The following ARHGEF11 variants were observed in gnomAD, a reference collection of about 807,000 sequenced individuals.
ARHGEF11 encodes Rho guanine nucleotide exchange factor 11.
In ARHGEF11, 55 loss-of-function variants were observed where a neutral mutation model predicts 193.7. The observed-to-expected ratio is 0.28, with a 90% CI of 0.23 to 0.36. The LOEUF (loss-of-function observed/expected upper bound fraction) is 0.36, where lower values mean the gene tolerates loss of function less well. Among genes scored for constraint, ARHGEF11 ranks in the 10% least tolerant of loss-of-function variants. The pLI is 1.00. For missense variants in ARHGEF11, 1,723 were observed against 2,005.6 expected, an observed-to-expected ratio of 0.86 and a Z score of 2.69; for synonymous variants, 693 against 768.0, an observed-to-expected ratio of 0.90 and a Z score of 1.62.
intron 7 of ARHGEF11, among the ~76,000 whole-genome samples, chr1:156,976,242 A>G (rs1571323808): frequency 6.6e-6 from 1 of 151,792 alleles, no homozygotes; most frequent in East Asian, 1.9e-4. Flanking sequence ...TCCCTCCCTC[A>G]TCTCTTTTGC....
At position 156,937,465 on chromosome 1, in the gene ARHGEF11, TC is replaced by T. The variant is rs1484204625; in HGVS notation, c.4223del (p.Gly1408AspfsTer14). 1 of 1,533,984 alleles carries T rather than the reference TC, an allele frequency of 6.5e-7. No individual in the cohort carries two copies. The highest frequency in any genetic ancestry group is 8.7e-7 in the Non-Finnish European group (1 of 1,143,976). ...AGTGGTCGGTGCTTGAGTCCGGGGG[TC>T]CTGATGGCATGCTGACATAAAAGCA... ...GNCFYVSMPS[G>X]PPDSSTDHSE... is the part of the protein sequence containing the mutation. On this transcript the variant is annotated frameshift_variant, in exon 39 of 41. Transcript: ENST00000368194. LOFTEE classifies it high-confidence loss of function.
rs1012082563 is a variant in ARHGEF11 at position 156,940,255 on chromosome 1, G to A, written c.3685C>T (p.Pro1229Ser). The A allele has an allele frequency of 6.2e-7, 1 of 1,609,820 alleles. No homozygotes were observed. Among genetic ancestry groups the A allele is most frequent in the Admixed American group, 1.7e-5 (1 of 59,886 alleles). The change falls in exon 36 of 41, where the codon CCA becomes TCA. Residue 1229 changes from proline to serine, a missense_variant. By Grantham distance (74) the Pro-to-Ser change is moderately conservative. Coordinates refer to ENST00000368194, the MANE Select transcript of ARHGEF11 (RefSeq NM_198236.3). Reference sequence around the variant, plus strand: ...AGCCCTTCCATGAACAGAGGGCCTGGGAAGGCCAAGTGGATGGGGTTCCTT... The same window carrying A: ...AGCCCTTCCATGAACAGAGGGCCTGAGAAGGCCAAGTGGATGGGGTTCCTT... ...RTRNPIHLAF[P>S]GPLFMEGLAD...
At chr1:157,035,977 G>T in intron 1 of ARHGEF11, among the ~76,000 whole-genome samples, 1 of 100,002 alleles carries the variant, frequency 1.0e-5, no homozygotes, top group Non-Finnish European at 2.0e-5. Context: ...CTATATATAG[G>T]AATATATATA....
chr1:156,983,379 G>A (rs542322266), intron 3 of ARHGEF11, among the ~76,000 whole-genome samples: 6 of 152,160 alleles, frequency 3.9e-5, no homozygotes, highest in African/African-American at 1.4e-4. Flanking sequence ...CTGCCACCAC[G>A]CCTGGCTAAT....
chr1:156,962,577 G>A (rs1228479153), intron 13 of ARHGEF11, among the ~76,000 whole-genome samples: 3 of 151,920 alleles, frequency 2.0e-5, no homozygotes, highest in Non-Finnish European at 2.9e-5. Context: ...ATCTACCTTC[G>A]TTTAAAAAAC....
chr1:157,038,287 C>T (rs1022836073), intron 1 of ARHGEF11, among the ~76,000 whole-genome samples: 1 of 141,792 alleles, frequency 7.1e-6, no homozygotes, highest in African/African-American at 2.6e-5. Flanking sequence ...TGGAAAGGAG[C>T]AGGGTCTGGA....
chr1:156,963,760 G>T, intron 11 of ARHGEF11, 166 bp from the exon 12 acceptor site: 2 of 1,436,646 alleles, frequency 1.4e-6, no homozygotes, highest in Non-Finnish European at 1.8e-6. Context: ...CAGATGAAAT[G>T]ATTTCCACTT....
chr1:156,940,111 A>G, intron 36 of ARHGEF11, 96 bp downstream of exon 36: 2 of 1,437,608 alleles, frequency 1.4e-6, no homozygotes, highest in South Asian at 1.4e-5. Flanking sequence ...CACCAGGAAG[A>G]GCCTTCGGGA....
Position 156,948,724 on chromosome 1 carries a change from G to A in ARHGEF11, c.1926-226C>T. ...TCTCCCCAGCCTAGCCTGATGGATGGACAGTCATCTTCCTCTGGAGCTATT... is the reference window on the plus strand; with the variant it reads ...TCTCCCCAGCCTAGCCTGATGGATGAACAGTCATCTTCCTCTGGAGCTATT... On this transcript the variant is annotated intron_variant, in intron 22 of 40. Transcript: ENST00000368194. This position sits in a 1 kb window ranked among gnomAD's most constrained non-coding sequence, Gnocchi z 4.2. 1.3e-6 allele frequency: 2 copies of A among 1,499,944 alleles called. No individual in the cohort carries two copies. Among genetic ancestry groups the A allele is most frequent in the Non-Finnish European group, 1.8e-6 (2 of 1,126,370 alleles). The allele number at this position is 1,499,944 out of a possible 1,614,324, so 92.9% of individuals were successfully genotyped here.
intron 20 of ARHGEF11, 68 bp downstream of exon 20, chr1:156,955,635 C>T: frequency 8.0e-7 from 1 of 1,253,838 alleles, no homozygotes. Context: ...TGCCAACATA[C>T]TGGTACATGA....
At chr1:156,943,263 G>C (rs1657451080) in intron 32 of ARHGEF11, among the ~76,000 whole-genome samples, 1 of 152,156 alleles carries the variant, frequency 6.6e-6, no homozygotes, top group African/African-American at 2.4e-5. Flanking sequence ...GTTTCACCAT[G>C]TTGGCCAGGC....
At chr1:156,993,383 GAT>G (rs1305972210) in intron 1 of ARHGEF11, among the ~76,000 whole-genome samples, 2 of 151,860 alleles carry the variant, frequency 1.3e-5, no homozygotes, top group Non-Finnish European at 2.9e-5. Flanking sequence ...CATGATTAAA[GAT>G]ATATATAATA....
intron 11 of ARHGEF11, chr1:156,963,838 A>C: frequency 8.2e-7 from 1 of 1,216,236 alleles, no homozygotes. Flanking sequence ...TGACATATGA[A>C]GATGGGAAGT....
chr1:156,989,948 T>C (rs1665482590), intron 1 of ARHGEF11, among the ~76,000 whole-genome samples: 1 of 152,210 alleles, frequency 6.6e-6, no homozygotes, highest in Non-Finnish European at 1.5e-5. Context: ...CTAAGAGCAT[T>C]GAAATTCTTC....
intron 1 of ARHGEF11, among the ~76,000 whole-genome samples, chr1:157,038,669 G>A (rs2103077023): frequency 6.6e-6 from 1 of 152,266 alleles, no homozygotes; most frequent in South Asian, 2.1e-4. Flanking sequence ...AGATTTTTGT[G>A]ATTTTTTCCT....
chr1:157,031,646 G>A (rs898694474), intron 1 of ARHGEF11, among the ~76,000 whole-genome samples: 6 of 152,186 alleles, frequency 3.9e-5, no homozygotes, highest in Non-Finnish European at 8.8e-5. Context: ...GAAGAGGCTC[G>A]AAGGTCAGGG....
rs1335977541 is a variant in ARHGEF11, at chr1:156,980,597, T to C, written c.224-111A>G. The stretch of plus-strand genomic sequence containing the variant: ...TGAAATTTCCTCTTATTTCTCTGTG[T>C]TAAGTATCTCAAATTCTGGGTGTAC... On this transcript the variant is annotated intron_variant, in intron 3 of 40. Transcript: ENST00000368194. 4 of 1,235,548 alleles carry C rather than the reference T, an allele frequency of 3.2e-6. No individual in the cohort carries two copies. The African/African-American group carries it at 6.0e-5, about 18-fold the overall frequency. The allele number at this position is 1,235,548 out of a possible 1,614,324, so 76.5% of individuals were successfully genotyped here. A position where few individuals can be genotyped will look rare whatever the true frequency, so the allele number is the denominator to read the frequency against.
In ARHGEF11 at chr1:156,939,752, G is replaced by C; in HGVS notation, c.3892C>G (p.Pro1298Ala). ...WDPGSPGQAP[P>A]GGEGDNTQLA... ...TGGGTGTTGTCCCCTTCACCCCCAG[G>C]GGGTGCTTGCCCTGGGGAGCCTGGG... Residue 1298 changes from proline (P) to alanine (A), a missense_variant, in exon 37 of 41, where the codon CCT (proline) becomes GCT (alanine). Transcript: ENST00000368194. 1 of 1,614,002 alleles carries C rather than the reference G, an allele frequency of 6.2e-7. No individual in the cohort carries two copies. The highest frequency in any genetic ancestry group is 8.5e-7 in the Non-Finnish European group (1 of 1,179,986).
intron 33 of ARHGEF11, among the ~76,000 whole-genome samples, chr1:156,942,215 C>A (rs1044549764): frequency 1.3e-5 from 2 of 152,208 alleles, no homozygotes; most frequent in Non-Finnish European, 2.9e-5. Flanking sequence ...GCAAAGCATT[C>A]TATGTTTTCC....
Sources: gnomAD v4.1 joint callset for allele counts (sites outside exome capture counted in the v4.1 genomes callset) on GRCh38, gnomAD v4.1.1 for gene constraint, Gnocchi (gnomAD v3.1) non-coding constraint, MANE v1.5 for transcripts, NCBI Gene and HGNC (gene_info 2026-07-23, HGNC 2026-07-21) for gene names.